The following PDCD7 variants were observed in gnomAD, a reference collection of about 807,000 sequenced individuals.
PDCD7 encodes the protein programmed cell death 7.
In PDCD7, 40 loss-of-function variants were observed where a neutral mutation model predicts 42.1. The observed-to-expected ratio is 0.95, with a 90% CI of 0.74 to 1.24. PDCD7 has a LOEUF of 1.24. Among genes scored for constraint, PDCD7 ranks in the 50% most tolerant of loss-of-function variants. The probability of loss-of-function intolerance (pLI) is 0.00; values close to 1 mark genes in which losing one functional copy is unlikely to be tolerated. For missense variants in PDCD7, 644 were observed against 662.8 expected, an observed-to-expected ratio of 0.97 and a Z score of 0.31; for synonymous variants, 299 against 303.3, an observed-to-expected ratio of 0.99 and a Z score of 0.15.
chr15:65,127,040 T>C (rs192536251), intron 2 of PDCD7, among the ~76,000 whole-genome samples: 157 of 152,316 alleles, frequency 1.0e-3, no homozygotes, highest in African/African-American at 3.6e-3. Context: ...TCACTCAGCT[T>C]ATGCTTCCAT....
At position 65,126,149 on chromosome 15, in the gene PDCD7, C is replaced by T. The variant is rs150877079; in HGVS notation, c.1009+2883G>A. On this transcript the variant is annotated intron_variant, in intron 2 of 4. Coordinates refer to ENST00000204549, the MANE Select transcript of PDCD7 (RefSeq NM_005707.2). ...GCCAAACCATATCACCAAGACTACA[C>T]AATCTCTCTCTAAGCACTTGCCACT... is the stretch of plus-strand genomic sequence containing the variant. 4.4e-3 allele frequency among the ~76,000 whole-genome samples: 667 copies of T among 152,334 alleles called. 5 individuals carry two copies. Among genetic ancestry groups the T allele is most frequent in the African/African-American group, 0.015 (635 of 41,562 alleles).
At position 65,133,770 on chromosome 15, in the gene PDCD7, TG is replaced by T; in HGVS notation, c.11del (p.Pro4HisfsTer188). Reference sequence around the variant, plus strand: ...CTGGGCGACCCTGGCCGAAGAATGGTGGCAGGGCCATGTTCACGACGGAGAT... The same window carrying T: ...CTGGGCGACCCTGGCCGAAGAATGGTGCAGGGCCATGTTCACGACGGAGAT... MAL[P>X]PFFGQGRPGP... On this transcript the variant is annotated frameshift_variant, in exon 1 of 5. Coordinates refer to ENST00000204549, the MANE Select transcript of PDCD7 (RefSeq NM_005707.2). LOFTEE classifies it high-confidence loss of function. 1 of 1,353,390 alleles carries T rather than the reference TG, an allele frequency of 7.4e-7. No individual in the cohort carries two copies. The highest frequency in any genetic ancestry group is 9.5e-7 in the Non-Finnish European group (1 of 1,050,674). 83.8% of individuals were successfully genotyped at this position (1,353,390 alleles called of 1,614,324 possible). A position where few individuals can be genotyped will look rare whatever the true frequency, so the allele number is the denominator to read the frequency against.
intron 2 of PDCD7, among the ~76,000 whole-genome samples, chr15:65,124,724 C>T (rs931791443): frequency 4.6e-5 from 7 of 152,120 alleles, no homozygotes; most frequent in African/African-American, 1.7e-4. Flanking sequence ...TTCCTTCTCC[C>T]CAGAGACCCA....
At position 65,132,996 on chromosome 15, in the gene PDCD7, T is replaced by C. The variant is rs2087554442; in HGVS notation, c.786A>G (p.Ala262=). The change falls in exon 1 of 5, where the codon GCA becomes GCG. Residue 262 remains alanine (A), a synonymous_variant. Transcript: ENST00000204549. ...CGCGTTCCACTGCCCGCGCGGCCTC[T>C]GCCTCCCGCTCGGCCTCGCGTTCCC... ...RAREREAERE[A]EAARAVEREQ... 6.2e-7 allele frequency: 1 copy of C among 1,604,582 alleles called. No homozygotes were observed. Among genetic ancestry groups the C allele is most frequent in the Middle Eastern group, 1.7e-4 (1 of 6,060 alleles).
At chr15:65,132,254 T>C (rs937535225) in intron 1 of PDCD7, among the ~76,000 whole-genome samples, 1 of 151,434 alleles carries the variant, frequency 6.6e-6, no homozygotes, top group East Asian at 1.9e-4. Context: ...TTAGAGTATA[T>C]ATATTCCTTG....
In PDCD7 at chr15:65,133,539, G is replaced by A; in HGVS notation, c.243C>T (p.Tyr81=). The part of the protein sequence containing the change: ...SRGGGGAGAF[Y]PVPPPPLPPP... ...GAGGCAGCGGCGGTGGTGGCACCGGGTAGAAGGCGCCAGCGCCGCCTCCGC... is the reference window on the plus strand; with the variant it reads ...GAGGCAGCGGCGGTGGTGGCACCGGATAGAAGGCGCCAGCGCCGCCTCCGC... Residue 81 remains tyrosine (Y), a synonymous_variant, in exon 1 of 5, where the codon TAC becomes TAT. Coordinates refer to ENST00000204549, the MANE Select transcript of PDCD7 (RefSeq NM_005707.2). 1 of 1,229,252 alleles carries A rather than the reference G, an allele frequency of 8.1e-7. No individual in the cohort carries two copies. The highest frequency in any genetic ancestry group is 1.0e-6 in the Non-Finnish European group (1 of 986,302). The allele number at this position is 1,229,252 out of a possible 1,614,324, so 76.1% of individuals were successfully genotyped here. A position where few individuals can be genotyped will look rare whatever the true frequency, so the allele number is the denominator to read the frequency against.
intron 2 of PDCD7, among the ~76,000 whole-genome samples, chr15:65,121,618 T>C (rs982268585): frequency 3.3e-5 from 5 of 152,220 alleles, no homozygotes; most frequent in African/African-American, 4.8e-5. Flanking sequence ...TTTGCCTGCA[T>C]GTAGCACTGA....
chr15:65,133,193 C>A lies in PDCD7; in HGVS notation c.589G>T (p.Glu197Ter), dbSNP rs1450092490. 2.8e-6 allele frequency: 4 copies of A among 1,438,172 alleles called. No homozygotes were observed. In the African/African-American group the frequency reaches 6.0e-5, roughly 22 times the overall value. The allele number at this position is 1,438,172 out of a possible 1,614,324, so 89.1% of individuals were successfully genotyped here. Residue 197 changes from glutamate (E) to a stop codon, truncating the protein, a stop_gained, in exon 1 of 5, where the codon GAG becomes TAG. Transcript: ENST00000204549. LOFTEE classifies it high-confidence loss of function. ...CAGGCCGCGCCGTCGGCTTCGGCCT[C>A]GCGCAGGGCCTGGCTCAGGCCGCGC... is the stretch of plus-strand genomic sequence containing the variant. ...RLRGLSQALREAEADGAAWVL... is the reference protein window; with the variant it reads ...RLRGLSQALR
intron 3 of PDCD7, 118 bp downstream of exon 3, chr15:65,119,600 G>T: frequency 8.0e-7 from 1 of 1,252,276 alleles, no homozygotes; most frequent in Non-Finnish European, 1.2e-6. Flanking sequence ...CTATGACACA[G>T]AATTGCATCT....
At position 65,122,697 on chromosome 15, in the gene PDCD7, T is replaced by C. The variant is rs185825374; in HGVS notation, c.1010-2743A>G. Among the ~76,000 whole-genome samples the C allele has an allele frequency of 8.2e-4, 125 of 152,274 alleles. 1 individual carries two copies. Among genetic ancestry groups the C allele is most frequent in the African/African-American group, 2.9e-3 (119 of 41,568 alleles). On this transcript the variant is annotated intron_variant, in intron 2 of 4. Coordinates refer to ENST00000204549, the MANE Select transcript of PDCD7 (RefSeq NM_005707.2). Reference sequence around the variant, plus strand: ...TTCTTGGGCATGTTACTTTTTTCCTTCCTAGGGATTTCTATCAGAAAAATT... The same window carrying C: ...TTCTTGGGCATGTTACTTTTTTCCTCCCTAGGGATTTCTATCAGAAAAATT...
At chr15:65,122,788 G>A (rs902134832) in intron 2 of PDCD7, among the ~76,000 whole-genome samples, 2 of 152,100 alleles carry the variant, frequency 1.3e-5, no homozygotes, top group African/African-American at 4.8e-5. Context: ...TGGATCACGA[G>A]GTCAGGAGTT....
chr15:65,124,953 T>A (rs1164498890), intron 2 of PDCD7, among the ~76,000 whole-genome samples: 1 of 152,152 alleles, frequency 6.6e-6, no homozygotes, highest in Non-Finnish European at 1.5e-5. Context: ...CCTGCAACCA[T>A]CTTCCACAAG....
chr15:65,120,655 C>T (rs1455555647), intron 2 of PDCD7, among the ~76,000 whole-genome samples: 2 of 152,010 alleles, frequency 1.3e-5, no homozygotes, highest in Non-Finnish European at 2.9e-5. Flanking sequence ...TTGCAGTGAG[C>T]GGAGATCACA....
Position 65,129,234 on chromosome 15 carries a change from G to T in PDCD7, c.871-64C>A, listed in dbSNP as rs561051300. On this transcript the variant is annotated intron_variant, in intron 1 of 4. Transcript: ENST00000204549. ...AACAAACTTACAGCAGAGAATAGCT[G>T]CCCAGTGGTTAGATTTTAAAGGATC... The T allele has an allele frequency of 1.6e-5, 25 of 1,544,180 alleles. No homozygotes were observed. In the African/African-American group the frequency reaches 3.1e-4, roughly 19 times the overall value.
chr15:65,133,500 C>T lies in PDCD7; in HGVS notation c.282G>A (p.Gln94=), dbSNP rs2087561269. Residue 94 remains glutamine (Q), a synonymous_variant, in exon 1 of 5, where the codon CAG becomes CAA. Coordinates refer to ENST00000204549, the MANE Select transcript of PDCD7 (RefSeq NM_005707.2). ...CGTCGGTCCCCGGGAAGGGCCGACACTGGGGCGGCGGAGGAGGCAGCGGCG... is the reference window on the plus strand; with the variant it reads ...CGTCGGTCCCCGGGAAGGGCCGACATTGGGGCGGCGGAGGAGGCAGCGGCG... ...PPPPLPPPPP[Q]CRPFPGTDAG... 2.4e-6 allele frequency: 3 copies of T among 1,225,576 alleles called. No homozygotes were observed. The highest frequency in any genetic ancestry group is 6.4e-5 in the East Asian group (2 of 31,258). The allele number at this position is 1,225,576 out of a possible 1,614,324, so 75.9% of individuals were successfully genotyped here.
In PDCD7 at chr15:65,133,677, CG is replaced by C; in HGVS notation, c.104del (p.Pro35ArgfsTer157). ...FGCPPPPLPS[P>X]AFPPPLPQRP... ...GCTGGGGGAGAGGCGGCGGGAAAGC[CG>C]GGGAGGGCAGCGGCGGTGGCGGACA... On this transcript the variant is annotated frameshift_variant, in exon 1 of 5. Transcript: ENST00000204549. LOFTEE classifies it high-confidence loss of function. The C allele has an allele frequency of 7.9e-7, 1 of 1,268,256 alleles. No homozygotes were observed. The highest frequency in any genetic ancestry group is 1.0e-6 in the Non-Finnish European group (1 of 1,001,046). 78.6% of individuals were successfully genotyped at this position (1,268,256 alleles called of 1,614,324 possible). A position where few individuals can be genotyped will look rare whatever the true frequency, so the allele number is the denominator to read the frequency against.
At chr15:65,129,201 G>T (rs756798934) in intron 1 of PDCD7, 31 bp from the exon 2 acceptor site, 1 of 1,610,360 alleles carries the variant, frequency 6.2e-7, no homozygotes, top group Non-Finnish European at 8.5e-7. Context: ...ATGAGACCTC[G>T]TATTAGGAAC....
chr15:65,125,818 C>T (rs1242528013), intron 2 of PDCD7, among the ~76,000 whole-genome samples: 1 of 152,138 alleles, frequency 6.6e-6, no homozygotes, highest in African/African-American at 2.4e-5. Flanking sequence ...TAAAGATATA[C>T]CTGAAATTGG....
chr15:65,132,287 ATT>A (rs775081541), intron 1 of PDCD7, among the ~76,000 whole-genome samples: 8 of 139,914 alleles, frequency 5.7e-5, no homozygotes, highest in Non-Finnish European at 4.7e-5. Context: ...CAAGTTCTCT[ATT>A]TTTTTTTTTT....
Sources: allele counts gnomAD v4.1 joint callset (sites outside exome capture counted in the v4.1 genomes callset), GRCh38; gene constraint gnomAD v4.1.1; transcripts MANE v1.5; gene names NCBI Gene and HGNC (gene_info 2026-07-23, HGNC 2026-07-21).